SLC8A1: variants seen among roughly 807,000 people sequenced by gnomAD.
SLC8A1 encodes the protein solute carrier family 8 member A1.
SLC8A1 carries 18 observed loss-of-function variants against 68.3 expected under a neutral mutation model. That is an observed-to-expected ratio of 0.26 (90% CI 0.18 to 0.39). The LOEUF is 0.39. SLC8A1 is among the 10% of genes least tolerant of loss of function. The pLI, the probability that SLC8A1 is intolerant of heterozygous loss-of-function variation, is 1.00. For synonymous variants in SLC8A1, 475 were observed against 415.5 expected, an observed-to-expected ratio of 1.14 and a Z score of -1.74; for missense variants, 985 against 1,156.7, an observed-to-expected ratio of 0.85 and a Z score of 2.15.
intron 2 of SLC8A1, among the ~76,000 whole-genome samples, chr2:40,270,245 C>G (rs1445752022): frequency 1.3e-5 from 2 of 152,222 alleles, no homozygotes; most frequent in Non-Finnish European, 2.9e-5. Context: ...GCTTCAGATC[C>G]ACAGTGGTGC....
intron 1 of SLC8A1, among the ~76,000 whole-genome samples, chr2:40,494,965 A>G (rs1205259429): frequency 2.0e-5 from 3 of 151,770 alleles, no homozygotes; most frequent in Non-Finnish European, 4.4e-5. Flanking sequence ...AAATTTACAA[A>G]TGAAAAAACT....
At chr2:40,156,170 A>G (rs1325196597) in intron 6 of SLC8A1, among the ~76,000 whole-genome samples, 2 of 152,192 alleles carry the variant, frequency 1.3e-5, no homozygotes, top group African/African-American at 4.8e-5. Flanking sequence ...ATGAAGCAAA[A>G]TCCCCATCAG....
intron 2 of SLC8A1, among the ~76,000 whole-genome samples, chr2:40,281,585 A>G (rs553434330): frequency 5.9e-5 from 9 of 152,346 alleles, no homozygotes; most frequent in African/African-American, 2.2e-4. Context: ...TTTCCCCAGC[A>G]CTGCCTGGGG....
chr2:40,493,511 T>C (rs542900593), intron 1 of SLC8A1, among the ~76,000 whole-genome samples: 13 of 150,812 alleles, frequency 8.6e-5, no homozygotes, highest in African/African-American at 3.2e-4. Context: ...TAAAATAAAA[T>C]AAAATAAAAT....
At chr2:40,409,417 T>G (rs1196112042) in intron 2 of SLC8A1, among the ~76,000 whole-genome samples, 1 of 152,110 alleles carries the variant, frequency 6.6e-6, no homozygotes, top group East Asian at 1.9e-4. Context: ...ACTTCCTACT[T>G]TACAATTGTC....
chr2:40,434,221 AC>A (rs1329941168), intron 1 of SLC8A1, among the ~76,000 whole-genome samples: 8 of 152,204 alleles, frequency 5.3e-5, no homozygotes, highest in Non-Finnish European at 7.3e-5. Flanking sequence ...TCCGGTGTTA[AC>A]TAAAAACATT....
intron 2 of SLC8A1, among the ~76,000 whole-genome samples, chr2:40,325,815 G>A (rs568697243): frequency 1.7e-4 from 26 of 150,410 alleles, no homozygotes; most frequent in Non-Finnish European, 2.5e-4. Context: ...GTAGCTGAGC[G>A]TGGTGGCAGG....
intron 2 of SLC8A1, among the ~76,000 whole-genome samples, chr2:40,420,379 A>G (rs1695153111): frequency 6.6e-6 from 1 of 151,614 alleles, no homozygotes; most frequent in Non-Finnish European, 1.5e-5. Context: ...AAAACAGACC[A>G]AGAAACTGCT....
chr2:40,338,349 G>C (rs1452841335), intron 2 of SLC8A1, among the ~76,000 whole-genome samples: 1 of 152,122 alleles, frequency 6.6e-6, no homozygotes, highest in Non-Finnish European at 1.5e-5. Context: ...GTGTATATAT[G>C]TCTGCATGTA....
intron 2 of SLC8A1, among the ~76,000 whole-genome samples, chr2:40,372,461 C>G (rs1349032341): frequency 6.6e-6 from 1 of 152,104 alleles, no homozygotes; most frequent in African/African-American, 2.4e-5. Context: ...CACTGTCATG[C>G]TGAGGATTTT....
intron 1 of SLC8A1, among the ~76,000 whole-genome samples, chr2:40,487,174 T>C (rs1705023487): frequency 6.6e-6 from 1 of 152,260 alleles, no homozygotes; most frequent in South Asian, 2.1e-4. Flanking sequence ...TGTGCCTGAT[T>C]ACCAAGTCAG....
At chr2:40,368,162 A>G (rs1301533602) in intron 2 of SLC8A1, among the ~76,000 whole-genome samples, 2 of 152,084 alleles carry the variant, frequency 1.3e-5, no homozygotes, top group African/African-American at 4.8e-5. Context: ...ATAAATCCCT[A>G]ACACTTTTTC....
chr2:40,106,444 A>C (rs1328722166), exon 8 of SLC8A1: 1 of 152,134 alleles, frequency 6.6e-6, no homozygotes, highest in African/African-American at 2.4e-5. Context: ...AAAAATTTTC[A>C]ATCCTTTTTG....
intron 2 of SLC8A1, among the ~76,000 whole-genome samples, chr2:40,287,582 A>ATATGTGTGTGTGTGTGTGTG (rs1553475923): frequency 1.6e-5 from 2 of 127,480 alleles, no homozygotes; most frequent in African/African-American, 3.0e-5. Context: ...CAGAGGAATG[A>ATATGTGTGTGTGTGTGTGTG]TGTGTGTGTG....
chr2:40,214,058 A>G (rs928216986), intron 2 of SLC8A1, among the ~76,000 whole-genome samples: 3 of 152,180 alleles, frequency 2.0e-5, no homozygotes, highest in Non-Finnish European at 4.4e-5. Flanking sequence ...TGTGTGGCTG[A>G]AGAAGTCCCA....
chr2:40,351,394 G>A (rs1295921452), intron 2 of SLC8A1, among the ~76,000 whole-genome samples: 1 of 152,020 alleles, frequency 6.6e-6, no homozygotes, highest in Non-Finnish European at 1.5e-5. Context: ...TGGAGACAGT[G>A]TTTGCAGTGA....
intron 2 of SLC8A1, among the ~76,000 whole-genome samples, chr2:40,291,345 T>A (rs1043943827): frequency 2.6e-5 from 4 of 152,184 alleles, no homozygotes; most frequent in African/African-American, 7.2e-5. Flanking sequence ...ATAGCTGAGT[T>A]TCTCACTGTG....
chr2:40,483,703 C>T (rs114155899), intron 1 of SLC8A1, among the ~76,000 whole-genome samples: 2,046 of 152,318 alleles, frequency 0.013, 32 homozygotes, highest in African/African-American at 0.047. Flanking sequence ...AGAAAACCTT[C>T]TTAAAAGATG....
intron 6 of SLC8A1, among the ~76,000 whole-genome samples, chr2:40,145,526 T>C (rs898445098): frequency 6.6e-6 from 1 of 152,188 alleles, no homozygotes; most frequent in African/African-American, 2.4e-5. Flanking sequence ...GGCTTTCTCC[T>C]CCAGAATTAT....
Sources: allele counts gnomAD v4.1 joint callset (sites outside exome capture counted in the v4.1 genomes callset), GRCh38; gene constraint gnomAD v4.1.1; transcripts MANE v1.5; gene names NCBI Gene and HGNC (gene_info 2026-07-23, HGNC 2026-07-21).